Variants in TWIST2 observed in about 807,000 individuals in gnomAD.
TWIST2 encodes twist-related protein 2.
A neutral mutation model predicts 11.6 loss-of-function variants in TWIST2; 1 was observed. The ratio of observed to expected loss-of-function variants is 0.09; its 90% CI spans 0.03 to 0.41. The LOEUF is 0.41. Among genes scored for constraint, TWIST2 ranks in the 10% least tolerant of loss-of-function variants. The pLI, the probability that TWIST2 is intolerant of heterozygous loss-of-function variation, is 0.98. For synonymous variants in TWIST2, 87 were observed against 96.6 expected, an observed-to-expected ratio of 0.90 and a Z score of 0.58; for missense variants, 168 against 226.4, an observed-to-expected ratio of 0.74 and a Z score of 1.66.
Position 238,848,086 on chromosome 2 carries a change from C to A in TWIST2, c.-130C>A. 1 of 759,114 alleles carries A rather than the reference C, an allele frequency of 1.3e-6. No individual in the cohort carries two copies. Among genetic ancestry groups the A allele is most frequent in the Non-Finnish European group, 1.7e-6 (1 of 589,830 alleles). The allele number at this position is 759,114 out of a possible 1,614,324, so 47.0% of individuals were successfully genotyped here. A position where few individuals can be genotyped will look rare whatever the true frequency, so the allele number is the denominator to read the frequency against. The stretch of plus-strand genomic sequence containing the variant: ...TCCTCTCCCGGAGACCTCGGTTTTG[C>A]ACAAGCCGGCCTTGAAATCAGAGCC... On this transcript the variant is annotated 5_prime_UTR_variant, in exon 1 of 2. Transcript: ENST00000612363.
At chr2:238,882,107 G>A (rs1692947091) in intron 1 of TWIST2, among the ~76,000 whole-genome samples, 2 of 152,022 alleles carry the variant, frequency 1.3e-5, no homozygotes, top group Non-Finnish European at 2.9e-5. Flanking sequence ...TTATTTAGGG[G>A]CACATGGCAA....
intron 1 of TWIST2, among the ~76,000 whole-genome samples, chr2:238,853,448 G>GGAGAGAGAGAGAGAGAGAGAGA (rs375821278): frequency 7.7e-6 from 1 of 130,618 alleles, no homozygotes; most frequent in Non-Finnish European, 1.6e-5. Flanking sequence ...AGGGAGAGAT[G>GGAGAGAGAGAGAGAGAGAGAGA]GAGAGAGAGA....
chr2:238,856,863 C>A, intron 1 of TWIST2, among the ~76,000 whole-genome samples: 1 of 152,298 alleles, frequency 6.6e-6, no homozygotes, highest in South Asian at 2.1e-4. Context: ...AATAGTGCCA[C>A]GAGGGAGGCC....
At chr2:238,872,082 G>T (rs535563106) in intron 1 of TWIST2, among the ~76,000 whole-genome samples, 2 of 152,150 alleles carry the variant, frequency 1.3e-5, no homozygotes, top group Non-Finnish European at 2.9e-5. Context: ...AATTATTTCC[G>T]GGGATGTTTC....
intron 1 of TWIST2, among the ~76,000 whole-genome samples, chr2:238,859,637 G>C (rs185400320): frequency 2.0e-5 from 3 of 151,630 alleles, no homozygotes; most frequent in African/African-American, 7.3e-5. Context: ...TGTTCAGTTG[G>C]GGGTGGAGGG....
At chr2:238,858,003 C>A (rs1461978451) in intron 1 of TWIST2, among the ~76,000 whole-genome samples, 2 of 152,284 alleles carry the variant, frequency 1.3e-5, no homozygotes, top group Admixed American at 1.3e-4. Context: ...ACTTTGTCCT[C>A]CCGGCTGGTT....
intron 1 of TWIST2, among the ~76,000 whole-genome samples, chr2:238,889,167 G>A (rs545629581): frequency 8.1e-4 from 124 of 152,232 alleles, no homozygotes; most frequent in African/African-American, 2.7e-3. Context: ...AGGTTTGATT[G>A]GACTGTCATT....
At chr2:238,884,766 G>T (rs898929887) in intron 1 of TWIST2, among the ~76,000 whole-genome samples, 1 of 152,202 alleles carries the variant, frequency 6.6e-6, no homozygotes, top group Non-Finnish European at 1.5e-5. Context: ...CAGGCCTCCC[G>T]CAGGTCAGGA....
intron 1 of TWIST2, among the ~76,000 whole-genome samples, chr2:238,874,245 T>C (rs141716862): frequency 0.12 from 18,827 of 152,222 alleles, 1,373 homozygotes; most frequent in Non-Finnish European, 0.16. Context: ...GGAACACGGC[T>C]ACCCAGATGC....
intron 1 of TWIST2, among the ~76,000 whole-genome samples, chr2:238,899,813 T>G (rs1353198097): frequency 5.3e-5 from 8 of 152,320 alleles, no homozygotes; most frequent in Non-Finnish European, 1.2e-4. Context: ...CCTTTGGTTC[T>G]GATGCCGTCA....
chr2:238,862,076 G>A (rs1392918869), intron 1 of TWIST2, among the ~76,000 whole-genome samples: 12 of 152,234 alleles, frequency 7.9e-5, no homozygotes, highest in Admixed American at 5.9e-4. Context: ...ACAACCACAC[G>A]TGGACGGAAC....
At chr2:238,865,202 T>G (rs866038715) in intron 1 of TWIST2, among the ~76,000 whole-genome samples, 6 of 152,154 alleles carry the variant, frequency 3.9e-5, no homozygotes, top group Admixed American at 2.6e-4. Flanking sequence ...GCTGAGAGCA[T>G]AGACAGAGCT....
At chr2:238,902,021 C>G (rs1693273674) in intron 1 of TWIST2, among the ~76,000 whole-genome samples, 1 of 152,126 alleles carries the variant, frequency 6.6e-6, no homozygotes, top group Non-Finnish European at 1.5e-5. Flanking sequence ...TGAGGAAAGG[C>G]AGGGAAAGCT....
intron 1 of TWIST2, among the ~76,000 whole-genome samples, chr2:238,887,938 A>G (rs1693070684): frequency 6.6e-6 from 1 of 152,206 alleles, no homozygotes; most frequent in Non-Finnish European, 1.5e-5. Flanking sequence ...TGAGCAGGAA[A>G]ACCATCTCAT....
At chr2:238,851,219 C>T (rs1029933713) in intron 1 of TWIST2, among the ~76,000 whole-genome samples, 8 of 152,206 alleles carry the variant, frequency 5.3e-5, no homozygotes, top group Non-Finnish European at 1.0e-4. Flanking sequence ...CTAAATTGTC[C>T]TCTGAAAGGA....
At chr2:238,849,836 C>T (rs1167286276) in intron 1 of TWIST2, among the ~76,000 whole-genome samples, 4 of 152,252 alleles carry the variant, frequency 2.6e-5, no homozygotes, top group African/African-American at 4.8e-5. Context: ...GCCCCTCTCT[C>T]ATCCGCCATC....
intron 1 of TWIST2, among the ~76,000 whole-genome samples, chr2:238,868,837 G>T (rs562481617): frequency 3.7e-4 from 57 of 152,342 alleles, no homozygotes; most frequent in African/African-American, 1.3e-3. Flanking sequence ...GGAGCGCTGC[G>T]TGCCGGCCGG....
At chr2:238,868,538 A>T (rs1692586165) in intron 1 of TWIST2, among the ~76,000 whole-genome samples, 1 of 152,182 alleles carries the variant, frequency 6.6e-6, no homozygotes, top group Non-Finnish European at 1.5e-5. Context: ...ACGTCCCTAC[A>T]TCATTCTATG....
chr2:238,851,911 G>C (rs527967495), intron 1 of TWIST2, among the ~76,000 whole-genome samples: 1 of 151,296 alleles, frequency 6.6e-6, no homozygotes, highest in East Asian at 2.0e-4. Context: ...CAGTCCTTTC[G>C]GCCTTGCATC....
Sources: gnomAD v4.1 joint callset for allele counts (sites outside exome capture counted in the v4.1 genomes callset) on GRCh38, gnomAD v4.1.1 for gene constraint, MANE v1.5 for transcripts, NCBI Gene and HGNC (gene_info 2026-07-23, HGNC 2026-07-21) for gene names.